PDE1C: variants seen among roughly 807,000 people sequenced by gnomAD.
The protein encoded by PDE1C is phosphodiesterase 1C.
PDE1C carries 62 observed loss-of-function variants against 93.1 expected under a neutral mutation model. That is an observed-to-expected ratio of 0.67 (90% CI 0.54 to 0.82). The LOEUF (loss-of-function observed/expected upper bound fraction) is 0.82, where lower values mean the gene tolerates loss of function less well. Ranked by LOEUF, PDE1C falls within the 40% of genes least tolerant of loss-of-function variation. The probability of loss-of-function intolerance (pLI) is 0.00; values close to 1 mark genes in which losing one functional copy is unlikely to be tolerated. For synonymous variants in PDE1C, 325 were observed against 310.1 expected (o/e 1.05, Z -0.50); for missense variants, 742 against 884.6 (o/e 0.84, Z 2.04).
At chr7:31,912,118 A>G (rs908292409) in intron 2 of PDE1C, among the ~76,000 whole-genome samples, 4 of 152,196 alleles carry the variant, frequency 2.6e-5, no homozygotes, top group African/African-American at 7.2e-5. Flanking sequence ...AACAGACCAA[A>G]TTATATATAT....
At chr7:32,264,558 T>C (rs10264511) in intron 1 of PDE1C, among the ~76,000 whole-genome samples, 17,812 of 152,198 alleles carry the variant, frequency 0.12, 1,194 homozygotes, top group African/African-American at 0.16. Flanking sequence ...GTTAGGTCTA[T>C]TCATCAAACT....
the PDE1C span, among the ~76,000 whole-genome samples, chr7:31,732,366 TGAAGATTTTTTTTTAGA>T: frequency 3.2e-3 from 494 of 152,292 alleles, 3 homozygotes; most frequent in African/African-American, 0.011. Context: ...GGTGTTGCCG[TGAAGATTTTTTTTTAGA>T]AGTAAGTGAT....
chr7:32,412,172 C>T lies in PDE1C; in HGVS notation c.310+15650G>A, dbSNP rs553679097. The stretch of plus-strand genomic sequence containing the variant: ...ATAAGCATTGAAAGCAGACCAAATA[C>T]GGCTGGGCGCGGTGGCTCATGCCTG... On this transcript the variant is annotated intron_variant, in intron 1 of 1. Coordinates refer to the PDE1C transcript ENST00000672256. 7.9e-5 allele frequency among the ~76,000 whole-genome samples: 12 copies of T among 152,210 alleles called. No homozygotes were observed. The South Asian group carries it at 1.2e-3, about 16-fold the overall frequency.
chr7:32,272,097 T>C (rs1811008937), intron 1 of PDE1C, among the ~76,000 whole-genome samples: 1 of 152,200 alleles, frequency 6.6e-6, no homozygotes. Flanking sequence ...GATTGGACAG[T>C]GTAGCACCTG....
At chr7:32,211,112 G>T (rs1398964601) in intron 1 of PDE1C, among the ~76,000 whole-genome samples, 1 of 152,144 alleles carries the variant, frequency 6.6e-6, no homozygotes, top group African/African-American at 2.4e-5. Context: ...GGGAGGCTGA[G>T]GCAGGAGAAT....
chr7:32,171,875 G>C (rs1253201497), intron 2 of PDE1C, among the ~76,000 whole-genome samples: 1 of 146,084 alleles, frequency 6.8e-6, no homozygotes, highest in South Asian at 2.3e-4. Context: ...AAGATATGAT[G>C]ACTAAATGTA....
the PDE1C span, among the ~76,000 whole-genome samples, chr7:31,743,935 G>C: frequency 6.6e-6 from 1 of 152,114 alleles, no homozygotes. Context: ...GGGCACTCCA[G>C]GCAGGAAAAG....
chr7:31,989,675 G>A (rs1783917270), intron 2 of PDE1C, among the ~76,000 whole-genome samples: 2 of 152,172 alleles, frequency 1.3e-5, no homozygotes, highest in South Asian at 2.1e-4. Context: ...ACCCCATAAC[G>A]TCACTCATTA....
rs1043395714 is a variant in PDE1C at position 32,283,350 on chromosome 7, G to A, written c.85+15301C>T. 4.0e-5 allele frequency among the ~76,000 whole-genome samples: 6 copies of A among 151,696 alleles called. No homozygotes were observed. In the East Asian group the frequency reaches 9.6e-4, roughly 24 times the overall value. On this transcript the variant is annotated intron_variant, in intron 1 of 18. Coordinates refer to the PDE1C transcript ENST00000396193. ...ATTAAGCAAAAACAACTTTTTTTTT[G>A]TTCAGGGAAGATATTCACCAAAATG...
At chr7:32,173,279 C>T (rs1802770276) in intron 2 of PDE1C, among the ~76,000 whole-genome samples, 3 of 152,088 alleles carry the variant, frequency 2.0e-5, no homozygotes, top group African/African-American at 7.2e-5. Context: ...CCAAACACTG[C>T]ATCTTCTCAT....
chr7:32,144,482 A>G (rs1295871673), intron 3 of PDE1C, among the ~76,000 whole-genome samples: 1 of 152,080 alleles, frequency 6.6e-6, no homozygotes, highest in Non-Finnish European at 1.5e-5. Context: ...GGAATCCTGT[A>G]TTTCTTCTGG....
chr7:31,695,849 G>A, the PDE1C span: 1 of 347,176 alleles, frequency 2.9e-6, no homozygotes, highest in South Asian at 7.5e-5. Context: ...CCTACCAATA[G>A]TGAAACCATG....
chr7:32,198,065 C>A (rs1365089159), intron 2 of PDE1C, among the ~76,000 whole-genome samples: 1 of 152,090 alleles, frequency 6.6e-6, no homozygotes, highest in Non-Finnish European at 1.5e-5. Context: ...AATGGTTAGT[C>A]CTTGTATCCT....
chr7:32,185,125 G>GA (rs374653663), intron 2 of PDE1C, among the ~76,000 whole-genome samples: 47 of 123,910 alleles, frequency 3.8e-4, no homozygotes, highest in Middle Eastern at 4.7e-3. Context: ...ACAAAAAAAA[G>GA]AAAAAAAAAA....
intron 1 of PDE1C, among the ~76,000 whole-genome samples, chr7:32,343,054 T>C (rs1381766744): frequency 1.3e-5 from 2 of 152,140 alleles, no homozygotes; most frequent in Non-Finnish European, 2.9e-5. Context: ...TACTCCCGAG[T>C]GTTGCCAGTT....
At chr7:31,657,365 C>T in the PDE1C span, among the ~76,000 whole-genome samples, 28 of 152,254 alleles carry the variant, frequency 1.8e-4, no homozygotes, top group African/African-American at 5.3e-4. Flanking sequence ...CTTCTGTCTG[C>T]GTTATACATT....
At chr7:31,880,141 GA>G (rs931803854) in intron 3 of PDE1C, among the ~76,000 whole-genome samples, 8 of 151,802 alleles carry the variant, frequency 5.3e-5, no homozygotes, top group African/African-American at 1.7e-4. Context: ...AAATTAGGGG[GA>G]AAAAAAACCA....
intron 9 of PDE1C, 59 bp downstream of exon 9, chr7:31,847,909 T>G: frequency 6.3e-7 from 1 of 1,579,726 alleles, no homozygotes; most frequent in Admixed American, 1.7e-5. Context: ...ACAGCATACT[T>G]CATCCAACTT....
intron 3 of PDE1C, among the ~76,000 whole-genome samples, chr7:32,085,299 C>T (rs1217920958): frequency 8.7e-6 from 1 of 115,360 alleles, no homozygotes; most frequent in African/African-American, 3.5e-5. Flanking sequence ...CAAGACTAAA[C>T]AAAGAAGAAT....
Sources: gnomAD v4.1 joint callset for allele counts (sites outside exome capture counted in the v4.1 genomes callset) on GRCh38, gnomAD v4.1.1 for gene constraint, MANE v1.5 for transcripts, NCBI Gene and HGNC (gene_info 2026-07-23, HGNC 2026-07-21) for gene names.